CAPN10: variants seen among roughly 807,000 people sequenced by gnomAD.
CAPN10 encodes the protein calpain 10, also known as calpain-10.
In CAPN10, 71 loss-of-function variants were observed where a neutral mutation model predicts 78.4. The observed-to-expected ratio is 0.91, with a 90% CI of 0.75 to 1.10. The LOEUF (loss-of-function observed/expected upper bound fraction) is 1.10, where lower values mean the gene tolerates loss of function less well. Among genes scored for constraint, CAPN10 ranks in the 50% least tolerant of loss-of-function variants. CAPN10 has a pLI of 0.00. For missense variants in CAPN10, 849 were observed against 924.6 expected (o/e 0.92, Z 1.06); for synonymous variants, 437 against 407.2 (o/e 1.07, Z -0.88).
At chr2:240,591,177 G>A (rs2093099571) in intron 3 of CAPN10, 166 bp downstream of exon 3, 1 of 629,264 alleles carries the variant, frequency 1.6e-6, no homozygotes, top group South Asian at 2.1e-5. Flanking sequence ...CAGGTGCAGA[G>A]ATTCTTCTTT....
chr2:240,593,038 G>A (rs2093112687), intron 4 of CAPN10, among the ~76,000 whole-genome samples: 1 of 152,214 alleles, frequency 6.6e-6, no homozygotes, highest in South Asian at 2.1e-4. Flanking sequence ...CACGTTGAGA[G>A]GTTCAGAGAG....
chr2:240,595,318 G>T lies in CAPN10; in HGVS notation c.1278+14G>T, dbSNP rs778781307. 4 of 1,610,630 alleles carry T rather than the reference G, an allele frequency of 2.5e-6. No homozygotes were observed. The East Asian group carries it at 8.9e-5, about 36-fold the overall frequency. On this transcript the variant is annotated intron_variant, in intron 7 of 11. Transcript: ENST00000391984. Reference sequence around the variant, plus strand: ...CACCTCTGGAAGGTAACTCAGCCCCGTCTGGCTCACGCTCGGTTCAGCAGG... The same window carrying T: ...CACCTCTGGAAGGTAACTCAGCCCCTTCTGGCTCACGCTCGGTTCAGCAGG...
intron 9 of CAPN10, 112 bp from the exon 10 acceptor site, chr2:240,597,776 A>G: frequency 2.1e-6 from 2 of 933,418 alleles, no homozygotes; most frequent in South Asian, 3.4e-5. Context: ...CCCTCCTCAG[A>G]GAAGGGGCTG....
chr2:240,598,263 G>A, intron 10 of CAPN10, 89 bp from the exon 11 acceptor site: 11 of 1,509,968 alleles, frequency 7.3e-6, no homozygotes, highest in Non-Finnish European at 9.2e-6. Flanking sequence ...GAGCCTGGAA[G>A]GAGAGTCTAG....
intron 6 of CAPN10, 84 bp downstream of exon 6, chr2:240,594,793 C>A: frequency 8.8e-7 from 1 of 1,141,010 alleles, no homozygotes; most frequent in South Asian, 1.9e-5. Context: ...TCCCCCTGCC[C>A]AGGCCCAGTT....
chr2:240,598,219 T>C (rs1468291369), intron 10 of CAPN10, 132 bp downstream of exon 10: 56 of 1,382,942 alleles, frequency 4.0e-5, no homozygotes, highest in Middle Eastern at 1.8e-4. Context: ...ACCAGGGCTG[T>C]CCTGCCTACC....
rs1335512114 is a variant in CAPN10, at chr2:240,586,828, G to A, written c.-84G>A. ...GGCGGGGAACGGGCGGGGCGGGCCG[G>A]AGGCGGCGGCGGCTGACTCGCCTTC... On this transcript the variant is annotated 5_prime_UTR_variant, in exon 1 of 12. Coordinates refer to ENST00000391984, the MANE Select transcript of CAPN10 (RefSeq NM_023083.4). 7.2e-6 allele frequency: 9 copies of A among 1,251,496 alleles called. No individual in the cohort carries two copies. The highest frequency in any genetic ancestry group is 9.1e-6 in the Non-Finnish European group (9 of 984,246). 77.5% of individuals were successfully genotyped at this position (1,251,496 alleles called of 1,614,324 possible).
rs2093148487 is a variant in CAPN10 at position 240,598,045 on chromosome 2, C to T, written c.1901C>T (p.Thr634Ile). 1.2e-6 allele frequency: 2 copies of T among 1,612,624 alleles called. No homozygotes were observed. The highest frequency in any genetic ancestry group is 1.7e-5 in the Admixed American group (1 of 59,984). Residue 634 changes from threonine to isoleucine, a missense_variant, in exon 10 of 12, where the codon ACA (threonine) becomes ATA (isoleucine). Thr to Ile is a moderately conservative substitution (Grantham distance 89). Transcript: ENST00000391984. Reference sequence around the variant, plus strand: ...GTGCCCTCCACCTACCTGCCGGACACAGAGGGGGCCTTCACAGTGACCATC... The same window carrying T: ...GTGCCCTCCACCTACCTGCCGGACATAGAGGGGGCCTTCACAGTGACCATC... ...KVVPSTYLPDTEGAFTVTIAT... is the reference protein window; with the variant it reads ...KVVPSTYLPDIEGAFTVTIAT...
At chr2:240,591,678 G>A in intron 3 of CAPN10, 2 of 554,852 alleles carry the variant, frequency 3.6e-6, no homozygotes, top group Non-Finnish European at 6.4e-6. Flanking sequence ...CCCTGCTCCT[G>A]TGCCCACACC....
In CAPN10 at chr2:240,596,856, G is replaced by A. The variant is rs1229636078; in HGVS notation, c.1657G>A (p.Gly553Ser). Reference protein sequence around the residue: ...CFPFSVPEGPGPRCVRITLHQ... With the variant: ...CFPFSVPEGPSPRCVRITLHQ... ...CCCCTTCTCGGTCCCCGAGGGCCCTGGCCCCCGCTGCGTCCGCATCACTCT... is the reference window on the plus strand; with the variant it reads ...CCCCTTCTCGGTCCCCGAGGGCCCTAGCCCCCGCTGCGTCCGCATCACTCT... The change falls in exon 9 of 12, where the codon GGC becomes AGC. Residue 553 changes from glycine to serine, a missense_variant. By Grantham distance (56) the Gly-to-Ser change is moderately conservative (BLOSUM62 0). Transcript: ENST00000391984. The A allele has an allele frequency of 3.1e-6, 5 of 1,613,444 alleles. No homozygotes were observed. In the African/African-American group the frequency reaches 6.7e-5, roughly 22 times the overall value.
intron 7 of CAPN10, chr2:240,596,069 T>A: frequency 6.5e-7 from 1 of 1,527,426 alleles, no homozygotes; most frequent in South Asian, 1.2e-5. Flanking sequence ...CCACGGTGCC[T>A]TTGTGGGCCC....
intron 7 of CAPN10, 72 bp downstream of exon 7, chr2:240,595,376 G>A: frequency 6.6e-7 from 1 of 1,513,976 alleles, no homozygotes; most frequent in East Asian, 2.4e-5. Flanking sequence ...CTGGGTTCTA[G>A]GACTGGCTCT....
chr2:240,595,561 G>A (rs1259444199), intron 7 of CAPN10, among the ~76,000 whole-genome samples: 2 of 152,222 alleles, frequency 1.3e-5, no homozygotes, highest in African/African-American at 4.8e-5. Flanking sequence ...TCTGCAGCCA[G>A]GGCAGGACCC....
intron 1 of CAPN10, among the ~76,000 whole-genome samples, chr2:240,588,418 G>A (rs773515456): frequency 6.6e-6 from 1 of 152,212 alleles, no homozygotes; most frequent in African/African-American, 2.4e-5. Flanking sequence ...TCAGGCAGGT[G>A]CCCTGACAGA....
intron 9 of CAPN10, among the ~76,000 whole-genome samples, chr2:240,597,655 A>C (rs2093145569): frequency 6.6e-6 from 1 of 152,146 alleles, no homozygotes; most frequent in East Asian, 1.9e-4. Context: ...CAGGTGTTAA[A>C]GCCCCTGATG....
intron 2 of CAPN10, 50 bp from the exon 3 acceptor site, chr2:240,590,764 CG>C (rs2093096548): frequency 1.9e-6 from 3 of 1,566,006 alleles, no homozygotes; most frequent in Non-Finnish European, 2.6e-6. Flanking sequence ...GGAGTAGCGC[CG>C]GGTGGTGCTT....
chr2:240,599,057 C>T lies in CAPN10; in HGVS notation c.*377C>T, dbSNP rs2093155687. 2 of 300,836 alleles carry T rather than the reference C, an allele frequency of 6.6e-6. No homozygotes were observed. The highest frequency in any genetic ancestry group is 8.3e-5 in the South Asian group (1 of 12,086). The allele number at this position is 300,836 out of a possible 1,614,324, so 18.6% of individuals were successfully genotyped here. On this transcript the variant is annotated 3_prime_UTR_variant, in exon 12 of 12. Transcript: ENST00000391984. ...TTATAACTATTTATTGTTCGAATCA[C>T]TTTTAGGATGTAACTTTATAAATAA...
intron 4 of CAPN10, 68 bp downstream of exon 4, chr2:240,592,218 C>CTG: frequency 2.2e-6 from 3 of 1,341,160 alleles, no homozygotes; most frequent in Non-Finnish European, 3.1e-6. Flanking sequence ...CTCAGGCACA[C>CTG]TGTAGCTTTT....
At chr2:240,591,343 C>A in intron 3 of CAPN10, 1 of 294,414 alleles carries the variant, frequency 3.4e-6, no homozygotes, top group Non-Finnish European at 6.4e-6. Flanking sequence ...GTGGTTGGGA[C>A]AGGCAGACTC....
Sources: gnomAD v4.1 joint callset for allele counts (sites outside exome capture counted in the v4.1 genomes callset) on GRCh38, gnomAD v4.1.1 for gene constraint, MANE v1.5 for transcripts, NCBI Gene and HGNC (gene_info 2026-07-23, HGNC 2026-07-21) for gene names.